The following SYN3 variants were observed in gnomAD, a reference collection of about 807,000 sequenced individuals.
SYN3 encodes synapsin-3.
In SYN3, 35 loss-of-function variants were observed where a neutral mutation model predicts 65.8. The observed-to-expected ratio is 0.53, with a 90% CI of 0.41 to 0.70. The LOEUF is 0.70. Ranked by LOEUF, SYN3 falls within the 30% of genes least tolerant of loss-of-function variation. The probability of loss-of-function intolerance (pLI) is 0.00; values close to 1 mark genes in which losing one functional copy is unlikely to be tolerated. For missense variants in SYN3, 680 were observed against 749.0 expected, an observed-to-expected ratio of 0.91 and a Z score of 1.08; for synonymous variants, 270 against 292.9, an observed-to-expected ratio of 0.92 and a Z score of 0.80.
intron 6 of SYN3, among the ~76,000 whole-genome samples, chr22:32,782,916 A>C (rs889630168): frequency 2.6e-5 from 4 of 151,306 alleles, no homozygotes; most frequent in South Asian, 4.2e-4. Flanking sequence ...TCTATTGAGA[A>C]GGAGCAATTC....
At position 32,668,665 on chromosome 22, in the gene SYN3, AGCATGG is replaced by A. The variant is rs2060323440; in HGVS notation, c.712-71935_712-71930del. Among the ~76,000 whole-genome samples the A allele has an allele frequency of 2.0e-5, 3 of 152,274 alleles. No individual in the cohort carries two copies. The East Asian group carries it at 5.8e-4, about 29-fold the overall frequency. On this transcript the variant is annotated intron_variant, in intron 6 of 13. Transcript: ENST00000358763. ...GCAGAACTGATGTAAAGGGACAAAC[AGCATGG>A]AATTAGGGCTGCCCAAATGTAATGC...
In SYN3 at chr22:32,611,278, T is replaced by G. The variant is rs569548589; in HGVS notation, c.712-14542A>C. ...AGCAGAGGGCTTCAGCTAGAGTTTT[T>G]TTTTTGTTTTTTTTTTTTTTTTTTT... is the stretch of plus-strand genomic sequence containing the variant. On this transcript the variant is annotated intron_variant, in intron 6 of 13. Transcript: ENST00000358763. 5.4e-3 allele frequency among the ~76,000 whole-genome samples: 574 copies of G among 106,704 alleles called. 1 individual carries two copies. Among genetic ancestry groups the G allele is most frequent in the Middle Eastern group, 0.044 (9 of 204 alleles). 70.0% of individuals were successfully genotyped at this position (106,704 alleles called of 152,430 possible). A position where few individuals can be genotyped will look rare whatever the true frequency, so the allele number is the denominator to read the frequency against.
chr22:32,743,324 C>T (rs940436119), intron 6 of SYN3, among the ~76,000 whole-genome samples: 4 of 152,116 alleles, frequency 2.6e-5, no homozygotes, highest in Non-Finnish European at 4.4e-5. Context: ...ACCAGCAGAA[C>T]GGAAATAAAG....
chr22:33,039,158 G>T (rs767228118), intron 1 of SYN3, among the ~76,000 whole-genome samples: 5 of 152,072 alleles, frequency 3.3e-5, no homozygotes, highest in Admixed American at 2.6e-4. Context: ...CAATCCTATC[G>T]TATAGATAAT....
chr22:32,907,326 G>A (rs1358878877), intron 4 of SYN3, among the ~76,000 whole-genome samples: 1 of 152,166 alleles, frequency 6.6e-6, no homozygotes, highest in African/African-American at 2.4e-5. Context: ...AAGTGGCTGG[G>A]CCAGAACATG....
chr22:32,724,928 G>A (rs1437998698), intron 6 of SYN3, among the ~76,000 whole-genome samples: 2 of 152,116 alleles, frequency 1.3e-5, no homozygotes, highest in Non-Finnish European at 2.9e-5. Context: ...AGACCACCCT[G>A]GCCAACATGG....
intron 7 of SYN3, among the ~76,000 whole-genome samples, chr22:32,594,903 T>G (rs1356031107): frequency 1.3e-5 from 2 of 152,192 alleles, no homozygotes; most frequent in Non-Finnish European, 2.9e-5. Context: ...TGGGTGGGCC[T>G]ACTCAAAGAA....
At chr22:32,605,182 C>T (rs1443526802) in intron 6 of SYN3, among the ~76,000 whole-genome samples, 1 of 151,944 alleles carries the variant, frequency 6.6e-6, no homozygotes, top group Non-Finnish European at 1.5e-5. Context: ...GCGTATTAGA[C>T]GAAGTCTCCC....
At chr22:32,659,963 T>C (rs938408867) in intron 6 of SYN3, among the ~76,000 whole-genome samples, 1 of 152,234 alleles carries the variant, frequency 6.6e-6, no homozygotes, top group Non-Finnish European at 1.5e-5. Context: ...GAATCTTTAC[T>C]TCCGAGAGTC....
intron 6 of SYN3, among the ~76,000 whole-genome samples, chr22:32,637,949 T>A (rs990748742): frequency 3.3e-5 from 5 of 152,196 alleles, no homozygotes; most frequent in Non-Finnish European, 5.9e-5. Flanking sequence ...ACAGTTAGCT[T>A]TTCAACCCTT....
intron 6 of SYN3, chr22:32,859,338 C>A (rs1387141929): frequency 1.2e-6 from 2 of 1,613,176 alleles, no homozygotes; most frequent in Admixed American, 1.7e-5. Flanking sequence ...GAGGATGGGC[C>A]CCCCCGGATA....
chr22:32,602,996 A>G (rs969694081), intron 6 of SYN3, among the ~76,000 whole-genome samples: 1 of 146,710 alleles, frequency 6.8e-6, no homozygotes, highest in African/African-American at 2.5e-5. Flanking sequence ...TTTTTTTGAG[A>G]TGGAGTCTCG....
intron 10 of SYN3, among the ~76,000 whole-genome samples, chr22:32,531,224 C>T (rs9680539): frequency 0.11 from 16,758 of 148,058 alleles, 970 homozygotes; most frequent in African/African-American, 0.16. Flanking sequence ...CTGCGCAGGT[C>T]GTACCTGGGA....
At chr22:32,799,179 C>A (rs1158576909) in intron 6 of SYN3, among the ~76,000 whole-genome samples, 1 of 152,142 alleles carries the variant, frequency 6.6e-6, no homozygotes, top group Non-Finnish European at 1.5e-5. Context: ...TTTGCTGTTT[C>A]TTTTCCTTAG....
At chr22:32,708,227 G>A (rs1031652502) in intron 6 of SYN3, among the ~76,000 whole-genome samples, 1 of 152,248 alleles carries the variant, frequency 6.6e-6, no homozygotes, top group Non-Finnish European at 1.5e-5. Context: ...CACGGATGAT[G>A]AAGAGTATTT....
rs578256592 is a variant in SYN3, at chr22:32,756,378, A to G, written c.711+108537T>C. ...CATGGCACATGTATACACATGTAACAAACCTGCACGTTGTGCACATGTACT... is the reference window on the plus strand; with the variant it reads ...CATGGCACATGTATACACATGTAACGAACCTGCACGTTGTGCACATGTACT... On this transcript the variant is annotated intron_variant, in intron 6 of 13. Coordinates refer to ENST00000358763, the MANE Select transcript of SYN3 (RefSeq NM_003490.4). 2.0e-5 allele frequency among the ~76,000 whole-genome samples: 3 copies of G among 152,372 alleles called. No homozygotes were observed. In the South Asian group the frequency reaches 6.2e-4, roughly 32 times the overall value.
chr22:32,917,391 C>T (rs986576348), intron 4 of SYN3, among the ~76,000 whole-genome samples: 1 of 152,182 alleles, frequency 6.6e-6, no homozygotes, highest in Non-Finnish European at 1.5e-5. Flanking sequence ...CGTCATTTCA[C>T]TTCTTTCAAA....
chr22:32,836,993 G>A lies in SYN3; in HGVS notation c.711+27922C>T, dbSNP rs928229527. Among the ~76,000 whole-genome samples the A allele has an allele frequency of 1.2e-4, 19 of 152,198 alleles. 1 individual carries two copies. Among genetic ancestry groups the A allele is most frequent in the Admixed American group, 9.8e-4 (15 of 15,290 alleles). On this transcript the variant is annotated intron_variant, in intron 6 of 13. Transcript: ENST00000358763. ...CAAAGGCTGCATCTGCGGGTCTGGC[G>A]TGCAAAGGAGGGTGGTTCTTTGGCT...
intron 1 of SYN3, among the ~76,000 whole-genome samples, chr22:33,052,953 T>A (rs1364307468): frequency 3.3e-5 from 5 of 152,244 alleles, no homozygotes; most frequent in Admixed American, 1.3e-4. Context: ...GATAGCTGTA[T>A]TATAAATAGT....
Sources: allele counts gnomAD v4.1 joint callset (sites outside exome capture counted in the v4.1 genomes callset), GRCh38; gene constraint gnomAD v4.1.1; transcripts MANE v1.5; gene names NCBI Gene and HGNC (gene_info 2026-07-23, HGNC 2026-07-21).